Variants in FBXL17 observed in about 807,000 individuals in gnomAD.
FBXL17 encodes F-box/LRR-repeat protein 17.
Under a neutral mutation model 66.2 loss-of-function variants are expected in FBXL17, and 22 were observed. That is an observed-to-expected ratio of 0.33 (90% confidence interval 0.24 to 0.47). The LOEUF (loss-of-function observed/expected upper bound fraction) is 0.47, where lower values mean the gene tolerates loss of function less well. Ranked by LOEUF, FBXL17 falls within the 20% of genes least tolerant of loss-of-function variation. The pLI is 1.00. For synonymous variants in FBXL17, 474 were observed against 400.5 expected (o/e 1.18, Z -2.19); for missense variants, 878 against 948.2 (o/e 0.93, Z 0.97).
chr5:108,294,127 A>G lies in FBXL17; in HGVS notation c.1506+54272T>C, dbSNP rs533913994. Among the ~76,000 whole-genome samples, 4 of 150,070 alleles carry G rather than the reference A, an allele frequency of 2.7e-5. No individual in the cohort carries two copies. The Admixed American group carries it at 2.7e-4, about 10-fold the overall frequency. ...AATTCAAAGCAGACATGATATTAAA[A>G]AAACTGATTGTCAAATCTATACTTA... is the stretch of plus-strand genomic sequence containing the variant. On this transcript the variant is annotated intron_variant, in intron 4 of 8. Coordinates refer to ENST00000542267, the MANE Select transcript of FBXL17 (RefSeq NM_001163315.3).
At position 107,871,069 on chromosome 5, in the gene FBXL17, A is replaced by AAAAAACAAAAAAC. The variant is rs1554080844; in HGVS notation, c.1966-9210_1966-9209insGTTTTTTGTTTTT. On this transcript the variant is annotated intron_variant, in intron 8 of 8. Transcript: ENST00000542267. ...TACTCTTGGGCGGCAAAAAAAAAAA[A>AAAAAACAAAAAAC]AAAAAAAAAACCTCATCTAAAAATC... Among the ~76,000 whole-genome samples, 346 of 130,222 alleles carry AAAAAACAAAAAAC rather than the reference A, an allele frequency of 2.7e-3. 15 individuals carry two copies. The highest frequency in any genetic ancestry group is 0.011 in the African/African-American group (332 of 31,126). 85.4% of individuals were successfully genotyped at this position (130,222 alleles called of 152,430 possible).
intron 4 of FBXL17, among the ~76,000 whole-genome samples, chr5:108,251,546 A>C (rs1561488665): frequency 6.6e-6 from 1 of 152,016 alleles, no homozygotes; most frequent in Non-Finnish European, 1.5e-5. Flanking sequence ...GACACAATCT[A>C]ATGTCTGGTT....
chr5:107,947,956 T>C (rs1402976598), intron 7 of FBXL17, among the ~76,000 whole-genome samples: 9 of 152,308 alleles, frequency 5.9e-5, no homozygotes, highest in Admixed American at 5.9e-4. Flanking sequence ...CATGTACCCA[T>C]GATTTCATCT....
intron 5 of FBXL17, among the ~76,000 whole-genome samples, chr5:108,193,732 G>C (rs1333830042): frequency 3.3e-5 from 5 of 152,060 alleles, no homozygotes; most frequent in African/African-American, 4.8e-5. Context: ...GCAATTGCTA[G>C]TACTATGAAA....
intron 6 of FBXL17, among the ~76,000 whole-genome samples, chr5:108,132,940 G>T (rs1436726814): frequency 1.3e-5 from 2 of 152,112 alleles, no homozygotes; most frequent in Non-Finnish European, 2.9e-5. Context: ...CAAAAGAAAG[G>T]AATGTCATAT....
chr5:107,996,960 G>A lies in FBXL17; in HGVS notation c.1822+23965C>T, dbSNP rs572831679. Reference sequence around the variant, plus strand: ...TCTTCGCATGTTGCCTGTGACAGATGCAGATGTAAAATATTAGAGGGAAGA... The same window carrying A: ...TCTTCGCATGTTGCCTGTGACAGATACAGATGTAAAATATTAGAGGGAAGA... On this transcript the variant is annotated intron_variant, in intron 7 of 8. Coordinates refer to ENST00000542267, the MANE Select transcript of FBXL17 (RefSeq NM_001163315.3). 3.5e-4 allele frequency among the ~76,000 whole-genome samples: 54 copies of A among 152,292 alleles called. 1 individual carries two copies. The highest frequency in any genetic ancestry group is 1.3e-3 in the African/African-American group (52 of 41,568).
At chr5:108,085,635 T>C (rs1359004030) in intron 6 of FBXL17, among the ~76,000 whole-genome samples, 1 of 152,106 alleles carries the variant, frequency 6.6e-6, no homozygotes, top group Non-Finnish European at 1.5e-5. Flanking sequence ...CTGAATACTT[T>C]GAACAACAGA....
At chr5:108,089,819 C>T (rs954707229) in intron 6 of FBXL17, among the ~76,000 whole-genome samples, 5 of 152,098 alleles carry the variant, frequency 3.3e-5, no homozygotes, top group East Asian at 3.9e-4. Context: ...AAGTAAAATG[C>T]TTTTGTTGTT....
intron 5 of FBXL17, among the ~76,000 whole-genome samples, chr5:108,189,467 C>A (rs779222792): frequency 3.3e-5 from 5 of 152,030 alleles, no homozygotes; most frequent in Non-Finnish European, 7.4e-5. Flanking sequence ...CTATGCAGAG[C>A]AAAGAGGATC....
intron 7 of FBXL17, among the ~76,000 whole-genome samples, chr5:107,912,200 AG>A (rs1308023917): frequency 6.6e-6 from 1 of 152,092 alleles, no homozygotes; most frequent in Non-Finnish European, 1.5e-5. Flanking sequence ...CCTTGTGCCA[AG>A]CATGTAACTC....
rs1749973061 is a variant in FBXL17 at position 108,381,769 on chromosome 5, C to G, written c.-78G>C. The G allele has an allele frequency of 2.9e-6, 4 of 1,368,384 alleles. No individual in the cohort carries two copies. Among genetic ancestry groups the G allele is most frequent in the Non-Finnish European group, 3.8e-6 (4 of 1,066,450 alleles). 84.8% of individuals were successfully genotyped at this position (1,368,384 alleles called of 1,614,324 possible). On this transcript the variant is annotated 5_prime_UTR_variant, in exon 1 of 9. Coordinates refer to ENST00000542267, the MANE Select transcript of FBXL17 (RefSeq NM_001163315.3). ...GGCGGGCTCCCGGCAGCGGGGCAGGCCGCTCGCTGGCTCGGCCCCCGGAGG... is the reference window on the plus strand; with the variant it reads ...GGCGGGCTCCCGGCAGCGGGGCAGGGCGCTCGCTGGCTCGGCCCCCGGAGG...
At chr5:108,052,112 C>CAAAAAAAAAAA (rs144705189) in intron 6 of FBXL17, among the ~76,000 whole-genome samples, 1 of 102,192 alleles carries the variant, frequency 9.8e-6, no homozygotes, top group African/African-American at 3.7e-5. Flanking sequence ...GACTTCGTCT[C>CAAAAAAAAAAA]AAAAAAAAAA....
In FBXL17 at chr5:107,974,968, A is replaced by G. The variant is rs75690415; in HGVS notation, c.1822+45957T>C. 5.2e-3 allele frequency among the ~76,000 whole-genome samples: 796 copies of G among 152,280 alleles called. 4 individuals are homozygous for G. Among genetic ancestry groups the G allele is most frequent in the African/African-American group, 0.018 (748 of 41,574 alleles). On this transcript the variant is annotated intron_variant, in intron 7 of 8. Transcript: ENST00000542267. ...TCCCCATTTAGTTTTCTGCTGGCACATACACTTCTGTCTTCATATAATGTT... is the reference window on the plus strand; with the variant it reads ...TCCCCATTTAGTTTTCTGCTGGCACGTACACTTCTGTCTTCATATAATGTT...
chr5:107,958,032 A>C (rs1751731567), intron 7 of FBXL17, among the ~76,000 whole-genome samples: 1 of 152,114 alleles, frequency 6.6e-6, no homozygotes, highest in Non-Finnish European at 1.5e-5. Flanking sequence ...ACGGCAGAGA[A>C]AAGGTCTAAG....
At chr5:108,331,573 A>G (rs1169673733) in intron 4 of FBXL17, among the ~76,000 whole-genome samples, 2 of 152,250 alleles carry the variant, frequency 1.3e-5, no homozygotes, top group East Asian at 1.9e-4. Context: ...TAGCACTTCT[A>G]GCAATCAAAG....
At chr5:108,161,459 C>G (rs1053120022) in intron 6 of FBXL17, among the ~76,000 whole-genome samples, 1 of 151,490 alleles carries the variant, frequency 6.6e-6, no homozygotes, top group African/African-American at 2.4e-5. Context: ...GCACTCCAGC[C>G]TGGGCGACAG....
intron 3 of FBXL17, among the ~76,000 whole-genome samples, chr5:108,354,409 G>C (rs1747833157): frequency 6.6e-6 from 1 of 151,910 alleles, no homozygotes; most frequent in African/African-American, 2.4e-5. Context: ...GTCTGAGTTT[G>C]AGAATATAAT....
chr5:108,182,170 A>G (rs1753030898), intron 6 of FBXL17, among the ~76,000 whole-genome samples: 1 of 152,184 alleles, frequency 6.6e-6, no homozygotes, highest in South Asian at 2.1e-4. Context: ...AGTCTGAGAC[A>G]CGGTAGCAAG....
chr5:107,994,241 C>T (rs1384503455), intron 7 of FBXL17, among the ~76,000 whole-genome samples: 1 of 151,964 alleles, frequency 6.6e-6, no homozygotes, highest in Non-Finnish European at 1.5e-5. Flanking sequence ...AAAATAAAAT[C>T]CTCTGTTTTA....
Sources: allele counts gnomAD v4.1 joint callset (sites outside exome capture counted in the v4.1 genomes callset), GRCh38; gene constraint gnomAD v4.1.1; transcripts MANE v1.5; gene names NCBI Gene and HGNC (gene_info 2026-07-23, HGNC 2026-07-21).